UBR4: variants seen among roughly 807,000 people sequenced by gnomAD.
UBR4 encodes E3 ubiquitin-protein ligase UBR4.
In UBR4, 124 loss-of-function variants were observed where a neutral mutation model predicts 575.6. The observed-to-expected ratio is 0.22, with a 90% CI of 0.19 to 0.25. The LOEUF (loss-of-function observed/expected upper bound fraction) is 0.25, where lower values mean the gene tolerates loss of function less well. Ranked by LOEUF, UBR4 falls within the 10% of genes least tolerant of loss-of-function variation. The pLI, the probability that UBR4 is intolerant of heterozygous loss-of-function variation, is 1.00. For missense variants in UBR4, 4,818 were observed against 6,478.8 expected (o/e 0.74, Z 8.80); for synonymous variants, 2,455 against 2,473.7 (o/e 0.99, Z 0.22).
intron 17 of UBR4, among the ~76,000 whole-genome samples, chr1:19,183,175 TTTATTGACCAC>T (rs150981817): frequency 0.02 from 2,989 of 152,352 alleles, 40 homozygotes; most frequent in South Asian, 0.056. Context: ...TTTTCCTATG[TTTATTGACCAC>T]TTATACTTCT....
At chr1:19,141,098 A>G (rs1271983581) in intron 57 of UBR4, among the ~76,000 whole-genome samples, 1 of 152,228 alleles carries the variant, frequency 6.6e-6, no homozygotes, top group Non-Finnish European at 1.5e-5. Context: ...CAGGCAGGAC[A>G]CAGGCTGGAG....
intron 58 of UBR4, among the ~76,000 whole-genome samples, chr1:19,140,398 T>C (rs941562649): frequency 6.6e-6 from 1 of 152,238 alleles, no homozygotes; most frequent in African/African-American, 2.4e-5. Context: ...TCTCCTTTTA[T>C]TTGCAAATGA....
At chr1:19,144,756 C>A (rs753497307) in intron 54 of UBR4, 30 bp downstream of exon 54, 13 of 1,584,506 alleles carry the variant, frequency 8.2e-6, no homozygotes, top group Non-Finnish European at 1.1e-5. Context: ...CTGGCTGCTG[C>A]GAGCTCTCTG....
chr1:19,179,712 C>CAAGAACAGAAG (rs1161456225), intron 17 of UBR4, among the ~76,000 whole-genome samples: 1 of 152,230 alleles, frequency 6.6e-6, no homozygotes, highest in Non-Finnish European at 1.5e-5. Flanking sequence ...ACCCAGAACT[C>CAAGAACAGAAG]AACAAGGCTG....
Position 19,177,196 on chromosome 1 carries a change from G to A in UBR4, c.2637+265C>T, listed in dbSNP as rs533116580. 3.3e-5 allele frequency among the ~76,000 whole-genome samples: 5 copies of A among 152,314 alleles called. No individual in the cohort carries two copies. In the South Asian group the frequency reaches 1.0e-3, roughly 32 times the overall value. ...CAGGGCACTGCATCAGACACAGGTA[G>A]AGCAGGGCAATTCGTGGGAGAATGC... On this transcript the variant is annotated intron_variant, in intron 19 of 105. Coordinates refer to ENST00000375254, the MANE Select transcript of UBR4 (RefSeq NM_020765.3).
chr1:19,201,226 T>C (rs2092727188), intron 2 of UBR4, among the ~76,000 whole-genome samples: 1 of 152,158 alleles, frequency 6.6e-6, no homozygotes, highest in South Asian at 2.1e-4. Flanking sequence ...AAATGTAAAA[T>C]AGGGATTAGC....
Position 19,112,678 on chromosome 1 carries a change from A to G in UBR4, c.11647T>C (p.Cys3883Arg). The G allele has an allele frequency of 6.2e-7, 1 of 1,614,224 alleles. No homozygotes were observed. Among genetic ancestry groups the G allele is most frequent in the Non-Finnish European group, 8.5e-7 (1 of 1,180,028 alleles). ...GCCAGGGCCCGAAGTAGTGTGATACAATGTTCTGTGACAGCCGAGGCGCAG... is the reference window on the plus strand; with the variant it reads ...GCCAGGGCCCGAAGTAGTGTGATACGATGTTCTGTGACAGCCGAGGCGCAG... ...YGCASAVTEH[C>R]ITLLRALATN... The change falls in exon 78 of 106, where the codon TGT becomes CGT. Residue 3883 changes from cysteine to arginine, a missense_variant. Physicochemically the swap from Cys to Arg is radical, Grantham distance 180. Around this residue, in one of 29 missense-constraint regions of UBR4, gnomAD observed 333 missense variants for 459.2 expected, o/e 0.73. Transcript: ENST00000375254.
Position 19,153,536 on chromosome 1 carries a change from C to T in UBR4, c.6631-34G>A. On this transcript the variant is annotated intron_variant, in intron 45 of 105. Coordinates refer to ENST00000375254, the MANE Select transcript of UBR4 (RefSeq NM_020765.3). This position sits in a 1 kb window ranked among gnomAD's most constrained non-coding sequence, Gnocchi z 4.1. Reference sequence around the variant, plus strand: ...AGAGGACAAAGGAGGGTCTTCGTTCCCACACCCACAGATCAGCATCCTCAC... The same window carrying T: ...AGAGGACAAAGGAGGGTCTTCGTTCTCACACCCACAGATCAGCATCCTCAC... 1 of 1,609,382 alleles carries T rather than the reference C, an allele frequency of 6.2e-7. No homozygotes were observed. Among genetic ancestry groups the T allele is most frequent in the Middle Eastern group, 1.9e-4 (1 of 5,258 alleles).
Position 19,118,594 on chromosome 1 carries a change from T to A in UBR4, c.10541+278A>T, listed in dbSNP as rs993432889. 48 of 359,732 alleles carry A rather than the reference T, an allele frequency of 1.3e-4. 1 individual carries two copies. The South Asian group carries it at 1.3e-3, about 10-fold the overall frequency. 22.3% of individuals were successfully genotyped at this position (359,732 alleles called of 1,614,324 possible). A position where few individuals can be genotyped will look rare whatever the true frequency, so the allele number is the denominator to read the frequency against. On this transcript the variant is annotated intron_variant, in intron 71 of 105. Transcript: ENST00000375254. ...CGCCACCACGCCTGGCTAACTTTTT[T>A]AAATTTTTTTTTAAGAGATGAAGTC...
In UBR4 at chr1:19,093,975, T is replaced by G. The variant is rs747673008; in HGVS notation, c.13911A>C (p.Arg4637=). ...TATCAAAGTTGCAGTATGGTTTGAATCGCTCCACCAAGATCTGCATTTTCT... is the reference window on the plus strand; with the variant it reads ...TATCAAAGTTGCAGTATGGTTTGAAGCGCTCCACCAAGATCTGCATTTTCT... The part of the protein sequence containing the change: ...EVEKMQILVE[R]FKPYCNFDKY... The change falls in exon 95 of 106, where the codon CGA becomes CGC. Residue 4637 remains arginine, a synonymous_variant. Coordinates refer to ENST00000375254, the MANE Select transcript of UBR4 (RefSeq NM_020765.3). This position sits in a 1 kb window ranked among gnomAD's most constrained non-coding sequence, Gnocchi z 4.8. 2 of 1,613,898 alleles carry G rather than the reference T, an allele frequency of 1.2e-6. No individual in the cohort carries two copies. The highest frequency in any genetic ancestry group is 1.7e-6 in the Non-Finnish European group (2 of 1,179,930).
rs776826615 is a variant in UBR4, at chr1:19,089,023, C to T, written c.14212-46G>A. 2.8e-5 allele frequency: 44 copies of T among 1,590,320 alleles called. No individual in the cohort carries two copies. The highest frequency in any genetic ancestry group is 1.7e-5 in the Admixed American group (1 of 58,438). ...AGACACATGCCTCCAATTATGTAGA[C>T]AAACCTTCTTCCCGGGAGCTTAAAG... is the stretch of plus-strand genomic sequence containing the variant. On this transcript the variant is annotated intron_variant, in intron 97 of 105. Transcript: ENST00000375254. The surrounding 1 kb of genome is among the most constrained non-coding windows in gnomAD (Gnocchi z 4.3).
intron 17 of UBR4, among the ~76,000 whole-genome samples, chr1:19,183,383 C>T (rs544043525): frequency 7.2e-5 from 11 of 152,244 alleles, no homozygotes; most frequent in South Asian, 2.1e-4. Flanking sequence ...CACCTCTCAA[C>T]GCTCTTTCCA....
At chr1:19,109,678 C>G (rs887149535) in intron 81 of UBR4, among the ~76,000 whole-genome samples, 8 of 152,266 alleles carry the variant, frequency 5.3e-5, no homozygotes, top group Non-Finnish European at 1.0e-4. Context: ...TAAGGAACAA[C>G]TTGCCCAACA....
chr1:19,145,994 T>C lies in UBR4; in HGVS notation c.7805-61A>G, dbSNP rs749047794. On this transcript the variant is annotated intron_variant, in intron 52 of 105. Coordinates refer to ENST00000375254, the MANE Select transcript of UBR4 (RefSeq NM_020765.3). Reference sequence around the variant, plus strand: ...ATCTGAGATGGAATTTAATTTGTTTTAAGGTTAACTCAGGTCAAGGAAGCT... The same window carrying C: ...ATCTGAGATGGAATTTAATTTGTTTCAAGGTTAACTCAGGTCAAGGAAGCT... The C allele has an allele frequency of 4.3e-6, 7 of 1,612,700 alleles. No homozygotes were observed. The African/African-American group carries it at 8.0e-5, about 18-fold the overall frequency.
Position 19,126,666 on chromosome 1 carries a change from G to A in UBR4, c.9229-11C>T. ...GATGAGGGAAGATGACTGGGAGACA[G>A]AGAAAATACAGAGATGGGAAGAATG... On this transcript the variant is annotated splice_polypyrimidine_tract_variant and intron_variant, in intron 63 of 105. Transcript: ENST00000375254. 7 of 1,612,172 alleles carry A rather than the reference G, an allele frequency of 4.3e-6. No individual in the cohort carries two copies. The highest frequency in any genetic ancestry group is 5.9e-6 in the Non-Finnish European group (7 of 1,179,288).
intron 97 of UBR4, among the ~76,000 whole-genome samples, chr1:19,092,171 C>T (rs1025060295): frequency 6.6e-6 from 1 of 152,060 alleles, no homozygotes; most frequent in Non-Finnish European, 1.5e-5. Context: ...ACCTGCCCTG[C>T]GTCCTGATGG....
At position 19,112,652 on chromosome 1, in the gene UBR4, G is replaced by A; in HGVS notation, c.11673C>T (p.Ala3891=). 1 of 1,614,284 alleles carries A rather than the reference G, an allele frequency of 6.2e-7. No homozygotes were observed. The highest frequency in any genetic ancestry group is 8.5e-7 in the Non-Finnish European group (1 of 1,180,050). The change falls in exon 78 of 106, where the codon GCC becomes GCT. Residue 3891 remains alanine, a synonymous_variant. Coordinates refer to ENST00000375254, the MANE Select transcript of UBR4 (RefSeq NM_020765.3). ...GGATGTGCCTCAAGGCTGGGTTGGT[G>A]GCCAGGGCCCGAAGTAGTGTGATAC... ...EHCITLLRAL[A]TNPALRHILV...
intron 60 of UBR4, among the ~76,000 whole-genome samples, chr1:19,136,098 T>TA: frequency 6.6e-6 from 1 of 152,234 alleles, no homozygotes; most frequent in East Asian, 1.9e-4. Flanking sequence ...CCATCAAAAA[T>TA]ACATCCCCAA....
intron 17 of UBR4, among the ~76,000 whole-genome samples, chr1:19,182,695 G>C (rs1199030230): frequency 6.6e-6 from 1 of 152,058 alleles, no homozygotes; most frequent in African/African-American, 2.4e-5. Flanking sequence ...TTGTGGTTTT[G>C]AGTCACAAAC....
Sources: allele counts gnomAD v4.1 joint callset (sites outside exome capture counted in the v4.1 genomes callset), GRCh38; gene constraint gnomAD v4.1.1; regional missense constraint gnomAD v4.1.1; non-coding constraint Gnocchi (gnomAD v3.1); transcripts MANE v1.5; gene names NCBI Gene and HGNC (gene_info 2026-07-23, HGNC 2026-07-21).